GSDMC: variants seen among roughly 807,000 people sequenced by gnomAD.
GSDMC encodes the protein gasdermin-C.
In GSDMC, 59 loss-of-function variants were observed where a neutral mutation model predicts 58.0. The ratio of observed to expected loss-of-function variants is 1.02; its 90% CI spans 0.82 to 1.26. The LOEUF is 1.26. Ranked by LOEUF, GSDMC falls within the 50% of genes most tolerant of loss-of-function variation. GSDMC has a pLI of 0.00. For synonymous variants in GSDMC, 241 were observed against 220.2 expected, an observed-to-expected ratio of 1.09 and a Z score of -0.83; for missense variants, 659 against 598.5, an observed-to-expected ratio of 1.10 and a Z score of -1.06.
chr8:129,713,980 C>CAGTT, the GSDMC span, among the ~76,000 whole-genome samples: 1 of 152,126 alleles, frequency 6.6e-6, no homozygotes, highest in Admixed American at 6.6e-5. Flanking sequence ...TTGGAGCAGA[C>CAGTT]AGTTATAATA....
intron 5 of GSDMC, among the ~76,000 whole-genome samples, chr8:129,761,465 A>G (rs890900762): frequency 3.9e-5 from 6 of 152,158 alleles, no homozygotes; most frequent in Admixed American, 6.5e-5. Flanking sequence ...TTATTCTCCA[A>G]AGAATCCACC....
rs912941003 is a variant in GSDMC at position 129,752,373 on chromosome 8, G to A, written c.845-226C>T. Among the ~76,000 whole-genome samples, 5 of 152,160 alleles carry A rather than the reference G, an allele frequency of 3.3e-5. No individual in the cohort carries two copies. In the South Asian group the frequency reaches 1.0e-3, roughly 32 times the overall value. On this transcript the variant is annotated intron_variant, in intron 7 of 13. Coordinates refer to ENST00000276708, the MANE Select transcript of GSDMC (RefSeq NM_031415.3). Reference sequence around the variant, plus strand: ...TCCCAATGTTCAAAGGAGAAAGCCTGGTTTCCCTGTGGCCCCAGGGGACAG... The same window carrying A: ...TCCCAATGTTCAAAGGAGAAAGCCTAGTTTCCCTGTGGCCCCAGGGGACAG...
At chr8:129,741,026 G>A in the GSDMC span, among the ~76,000 whole-genome samples, 4 of 151,906 alleles carry the variant, frequency 2.6e-5, no homozygotes, top group Admixed American at 2.6e-4. Context: ...TTTTTATGGT[G>A]TGAGTATAAA....
intron 13 of GSDMC, 31 bp downstream of exon 13, chr8:129,749,421 C>T (rs756229969): frequency 6.8e-7 from 1 of 1,480,804 alleles, no homozygotes; most frequent in South Asian, 1.1e-5. Context: ...CACCCTCTTC[C>T]CTGAACTTCT....
chr8:129,738,792 C>T, the GSDMC span, among the ~76,000 whole-genome samples: 2 of 151,932 alleles, frequency 1.3e-5, no homozygotes, highest in Admixed American at 6.5e-5. Flanking sequence ...TACCCTAGAA[C>T]TTAAAGTATA....
the GSDMC span, among the ~76,000 whole-genome samples, chr8:129,737,055 G>A: frequency 2.6e-5 from 4 of 151,976 alleles, no homozygotes; most frequent in South Asian, 2.1e-4. Flanking sequence ...TACAAAGAGA[G>A]TAAAATACCT....
At chr8:129,730,961 C>A in the GSDMC span, among the ~76,000 whole-genome samples, 2,364 of 152,094 alleles carry the variant, frequency 0.016, 34 homozygotes, top group Non-Finnish European at 0.024. Context: ...CATCCTTTGT[C>A]CTGTTCTATG....
chr8:129,762,408 T>A (rs1029988704), intron 5 of GSDMC, among the ~76,000 whole-genome samples: 1 of 152,196 alleles, frequency 6.6e-6, no homozygotes, highest in Non-Finnish European at 1.5e-5. Context: ...ACTGTCTGTA[T>A]CTGTCAATAG....
chr8:129,729,194 G>T, the GSDMC span: 1 of 655,474 alleles, frequency 1.5e-6, no homozygotes, highest in Non-Finnish European at 2.9e-6. Context: ...GCAATAAGCT[G>T]CATTTAAAAG....
intron 5 of GSDMC, among the ~76,000 whole-genome samples, chr8:129,761,105 T>G (rs868187012): frequency 6.6e-6 from 1 of 152,204 alleles, no homozygotes; most frequent in Non-Finnish European, 1.5e-5. Flanking sequence ...GCAAGTCATG[T>G]TCTGACTACT....
At chr8:129,746,839 G>T (rs1437170975), downstream of GSDMC, among the ~76,000 whole-genome samples, 2 of 152,114 alleles carry the variant, frequency 1.3e-5, no homozygotes, top group South Asian at 2.1e-4. Flanking sequence ...AAGAACAAAG[G>T]CAAGAGGCAA....
the GSDMC span, chr8:129,729,397 G>C: frequency 2.5e-6 from 1 of 395,392 alleles, no homozygotes. Flanking sequence ...TGCCATGTTG[G>C]TGTGCTGCAC....
the GSDMC span, among the ~76,000 whole-genome samples, chr8:129,708,679 T>C: frequency 6.6e-6 from 1 of 152,258 alleles, no homozygotes; most frequent in Non-Finnish European, 1.5e-5. Context: ...CCAAGTGGGT[T>C]TTCTCCTAGG....
chr8:129,709,713 C>T, the GSDMC span, among the ~76,000 whole-genome samples: 3 of 152,138 alleles, frequency 2.0e-5, no homozygotes, highest in Non-Finnish European at 2.9e-5. Context: ...TGACCCCTTC[C>T]CAATTCTCTG....
At chr8:129,773,341 C>T (rs2034119263) in intron 3 of GSDMC, among the ~76,000 whole-genome samples, 1 of 152,162 alleles carries the variant, frequency 6.6e-6, no homozygotes, top group Admixed American at 6.5e-5. Context: ...TGCCTGTTTA[C>T]AGATGACACT....
chr8:129,714,951 T>G, the GSDMC span, among the ~76,000 whole-genome samples: 1 of 152,212 alleles, frequency 6.6e-6, no homozygotes, highest in African/African-American at 2.4e-5. Context: ...AGGTCTCCAA[T>G]GTAATAGACA....
chr8:129,741,937 T>TATATATATATA, the GSDMC span, among the ~76,000 whole-genome samples: 3 of 146,350 alleles, frequency 2.0e-5, no homozygotes, highest in African/African-American at 7.7e-5. Flanking sequence ...TATATATATA[T>TATATATATATA]ACATGAAATA....
chr8:129,758,481 TA>T (rs1237413074), intron 6 of GSDMC, among the ~76,000 whole-genome samples: 1 of 152,074 alleles, frequency 6.6e-6, no homozygotes, highest in Non-Finnish European at 1.5e-5. Context: ...TAGGCTCCAC[TA>T]AAAAAACTAT....
chr8:129,772,964 T>C (rs1188872733), intron 3 of GSDMC, among the ~76,000 whole-genome samples: 1 of 152,140 alleles, frequency 6.6e-6, no homozygotes, highest in East Asian at 1.9e-4. Flanking sequence ...AGTTCAACAT[T>C]TGCAAATCAA....
Sources: gnomAD v4.1 joint callset for allele counts (sites outside exome capture counted in the v4.1 genomes callset) on GRCh38, gnomAD v4.1.1 for gene constraint, MANE v1.5 for transcripts, NCBI Gene and HGNC (gene_info 2026-07-23, HGNC 2026-07-21) for gene names.